NPIPB2: variants seen among roughly 807,000 people sequenced by gnomAD.
The protein encoded by NPIPB2 is nuclear pore complex interacting protein family member B2, also known as nuclear pore complex-interacting protein family member B2.
Under a neutral mutation model 30.8 loss-of-function variants are expected in NPIPB2, and 27 were observed. The ratio of observed to expected loss-of-function variants is 0.88; its 90% CI spans 0.65 to 1.21. NPIPB2 has a LOEUF of 1.21. Ranked by LOEUF, NPIPB2 falls within the 50% of genes most tolerant of loss-of-function variation. The probability of loss-of-function intolerance (pLI) is 0.00; values close to 1 mark genes in which losing one functional copy is unlikely to be tolerated. For synonymous variants in NPIPB2, 147 were observed against 162.0 expected, an observed-to-expected ratio of 0.91 and a Z score of 0.70; for missense variants, 440 against 446.2, an observed-to-expected ratio of 0.99 and a Z score of 0.13.
At chr16:11,974,270 C>G (rs1223121641) in intron 1 of NPIPB2, among the ~76,000 whole-genome samples, 3 of 152,168 alleles carry the variant, frequency 2.0e-5, no homozygotes, top group African/African-American at 7.2e-5. Flanking sequence ...GTAATCCCAG[C>G]ACTTTGGGAG....
intron 1 of NPIPB2, among the ~76,000 whole-genome samples, chr16:11,952,435 A>G (rs930707491): frequency 1.3e-5 from 2 of 152,122 alleles, no homozygotes; most frequent in Non-Finnish European, 2.9e-5. Context: ...TCTTGAATCT[A>G]TATGAAAGAA....
chr16:11,967,071 A>G (rs1325890974), intron 1 of NPIPB2: 1 of 223,534 alleles, frequency 4.5e-6, no homozygotes, highest in Non-Finnish European at 9.3e-6. Flanking sequence ...CGTGATCTCA[A>G]CTCACTGCAG....
chr16:11,973,700 C>G (rs1431245216), intron 1 of NPIPB2, among the ~76,000 whole-genome samples: 3 of 152,076 alleles, frequency 2.0e-5, no homozygotes, highest in Non-Finnish European at 4.4e-5. Flanking sequence ...CCCAAGTTAG[C>G]TAGGAGTTCC....
chr16:11,930,495 G>C, exon 5 of NPIPB2: 1 of 1,585,822 alleles, frequency 6.3e-7, no homozygotes, highest in Non-Finnish European at 8.5e-7. Flanking sequence ...ATTTTCCTCT[G>C]CCTCTGACAC....
intron 1 of NPIPB2, among the ~76,000 whole-genome samples, chr16:11,974,432 A>G (rs12597378): frequency 0.12 from 17,773 of 152,108 alleles, 1,519 homozygotes; most frequent in African/African-American, 0.21. Context: ...CAGGAGAATC[A>G]CTAGAACCCG....
Position 11,932,506 on chromosome 16 carries a change from G to A in NPIPB2, c.488+1011C>T, listed in dbSNP as rs541435217. 3.2e-4 allele frequency among the ~76,000 whole-genome samples: 48 copies of A among 151,970 alleles called. No homozygotes were observed. In the South Asian group the frequency reaches 8.5e-3, roughly 27 times the overall value. On this transcript the variant is annotated intron_variant, in intron 4 of 7. Transcript: ENST00000399147. The stretch of plus-strand genomic sequence containing the variant: ...AAAATGCAAAAATTGGGCTGGGAAC[G>A]GTGGCTCATGCCTGTAATCTCAGCA...
chr16:11,948,525 G>C (rs2150925076), intron 1 of NPIPB2, among the ~76,000 whole-genome samples: 1 of 152,172 alleles, frequency 6.6e-6, no homozygotes, highest in African/African-American at 2.4e-5. Context: ...CCAGCACTTT[G>C]GGAGCCCGAG....
chr16:11,934,178 C>T lies in NPIPB2; in HGVS notation c.193-254G>A, dbSNP rs368918735. On this transcript the variant is annotated intron_variant, in intron 2 of 7. Coordinates refer to ENST00000399147, the Ensembl canonical transcript of NPIPB2. ...CTGGGAGGCGGAGGTTGCAGTGAGC[C>T]GAGATCACACCACTGCACTCCAGCC... Among the ~76,000 whole-genome samples the T allele has an allele frequency of 8.1e-4, 121 of 148,904 alleles. 1 individual carries two copies. In the East Asian group the frequency reaches 0.022, roughly 27 times the overall value.
At chr16:11,971,308 C>CACA (rs1211689144) in intron 1 of NPIPB2, among the ~76,000 whole-genome samples, 1 of 152,106 alleles carries the variant, frequency 6.6e-6, no homozygotes, top group Non-Finnish European at 1.5e-5. Flanking sequence ...ATTCTGAGAA[C>CACA]ACATACCCTA....
chr16:11,967,689 A>G, intron 1 of NPIPB2: 1 of 1,614,172 alleles, frequency 6.2e-7, no homozygotes, highest in Non-Finnish European at 8.5e-7. Flanking sequence ...AGACTGCATC[A>G]AGAGCAAACC....
At chr16:11,963,962 G>C (rs907292308) in intron 1 of NPIPB2, 2 of 151,744 alleles carry the variant, frequency 1.3e-5, no homozygotes, top group African/African-American at 2.4e-5. Flanking sequence ...CTGAACCCAG[G>C]AGGTGGAGGC....
chr16:11,947,324 A>ATTTATTTATT (rs1277451001), intron 1 of NPIPB2, among the ~76,000 whole-genome samples: 6 of 125,752 alleles, frequency 4.8e-5, no homozygotes, highest in Middle Eastern at 4.1e-3. Flanking sequence ...TTATTTATTT[A>ATTTATTTATT]TATATATATA....
chr16:11,944,307 T>C (rs1185184973), upstream of NPIPB2, among the ~76,000 whole-genome samples: 1 of 151,526 alleles, frequency 6.6e-6, no homozygotes, highest in Non-Finnish European at 1.5e-5. Flanking sequence ...GCTGGGACTA[T>C]AGGCGCGTGC....
chr16:11,976,554 G>T, intron 1 of NPIPB2: 1 of 358,378 alleles, frequency 2.8e-6, no homozygotes, highest in Non-Finnish European at 5.0e-6. Context: ...CTCCTCGCGG[G>T]GTCTCGGGTT....
upstream of NPIPB2, among the ~76,000 whole-genome samples, chr16:11,943,954 C>T (rs538528346): frequency 1.8e-3 from 229 of 128,380 alleles, no homozygotes; most frequent in African/African-American, 6.2e-3. Flanking sequence ...GCCGAGATCG[C>T]GCCACTGCAC....
At chr16:11,938,337 T>C (rs1219955624) in intron 1 of NPIPB2, among the ~76,000 whole-genome samples, 2 of 147,494 alleles carry the variant, frequency 1.4e-5, no homozygotes, top group East Asian at 2.0e-4. Context: ...TTTGTTTTTG[T>C]TTGTTGTTTT....
At chr16:11,961,994 G>A (rs2055155972) in intron 1 of NPIPB2, among the ~76,000 whole-genome samples, 1 of 151,740 alleles carries the variant, frequency 6.6e-6, no homozygotes, top group South Asian at 2.1e-4. Context: ...GAGCCCAGGA[G>A]TTCAAGACCA....
Position 11,952,006 on chromosome 16 carries a change from A to C in NPIPB2, c.-583-9892T>G, listed in dbSNP as rs1388433508. ...AACCCCGACTCTACTAAAAATACGA[A>C]AAATTAGCCGGGCGTAGTGGCGGGC... On this transcript the variant is annotated intron_variant, in intron 1 of 5. Transcript: ENST00000538896. Among the ~76,000 whole-genome samples the C allele has an allele frequency of 4.6e-5, 7 of 152,176 alleles. No individual in the cohort carries two copies. The East Asian group carries it at 1.4e-3, about 29-fold the overall frequency.
intron 1 of NPIPB2, among the ~76,000 whole-genome samples, chr16:11,955,872 T>C (rs527528209): frequency 2.0e-5 from 3 of 151,442 alleles, no homozygotes; most frequent in African/African-American, 7.3e-5. Context: ...ACTCCACGTA[T>C]CCCCTCTGGA....
Sources: allele counts gnomAD v4.1 joint callset (sites outside exome capture counted in the v4.1 genomes callset), GRCh38; gene constraint gnomAD v4.1.1; transcripts MANE v1.5; gene names NCBI Gene and HGNC (gene_info 2026-07-23, HGNC 2026-07-21).